Variants in CSMD3 observed in about 807,000 individuals in gnomAD.
CSMD3 encodes the protein CUB and Sushi multiple domains 3.
A neutral mutation model predicts 435.2 loss-of-function variants in CSMD3; 177 were observed. The observed-to-expected ratio is 0.41, with a 90% CI of 0.36 to 0.46. The LOEUF is 0.46. Among genes scored for constraint, CSMD3 ranks in the 20% least tolerant of loss-of-function variants. The probability of loss-of-function intolerance (pLI) is 0.34; values close to 1 mark genes in which losing one functional copy is unlikely to be tolerated. For synonymous variants in CSMD3, 1,656 were observed against 1,520.5 expected (o/e 1.09, Z -2.07); for missense variants, 4,265 against 4,504.6 (o/e 0.95, Z 1.52).
At chr8:113,221,787 T>G (rs1000048905) in intron 3 of CSMD3, among the ~76,000 whole-genome samples, 1 of 151,470 alleles carries the variant, frequency 6.6e-6, no homozygotes, top group Admixed American at 6.6e-5. Context: ...TCTTCCAAAA[T>G]GGCACTCACC....
Position 112,390,717 on chromosome 8 carries a change from T to C in CSMD3, c.5881A>G (p.Asn1961Asp), listed in dbSNP as rs375988803. 563 of 1,613,100 alleles carry C rather than the reference T, an allele frequency of 3.5e-4. 5 individuals carry two copies. The South Asian group carries it at 5.7e-3, about 16-fold the overall frequency. The change falls in exon 36 of 71, where the codon AAC (asparagine) becomes GAC (aspartate). Residue 1961 changes from asparagine to aspartate, a missense_variant. By Grantham distance (23) the Asn-to-Asp change is conservative. Coordinates refer to ENST00000297405, the MANE Select transcript of CSMD3 (RefSeq NM_198123.2). ...LSPGYPEPYDNNLNCVWKITV... is the reference protein window; with the variant it reads ...LSPGYPEPYDDNLNCVWKITV... Reference sequence around the variant, plus strand: ...ATCTTCCACACACAATTCAGATTGTTGTCATAAGGCTCAGGGTATCCAGGT... The same window carrying C: ...ATCTTCCACACACAATTCAGATTGTCGTCATAAGGCTCAGGGTATCCAGGT...
intron 54 of CSMD3, 26 bp downstream of exon 54, chr8:112,295,806 CT>C (rs1444454563): frequency 6.2e-7 from 1 of 1,607,486 alleles, no homozygotes; most frequent in Middle Eastern, 1.7e-4. Flanking sequence ...TCAGAGGTCT[CT>C]AATTGCTTTT....
chr8:113,370,853 A>G (rs899073148), intron 1 of CSMD3, among the ~76,000 whole-genome samples: 13 of 152,014 alleles, frequency 8.6e-5, no homozygotes, highest in African/African-American at 2.9e-4. Context: ...GCAGCTCTGA[A>G]GAGTTTGGTT....
intron 4 of CSMD3, among the ~76,000 whole-genome samples, chr8:113,148,566 T>C (rs2091732081): frequency 6.6e-6 from 1 of 151,720 alleles, no homozygotes; most frequent in South Asian, 2.1e-4. Flanking sequence ...CAGAGCCTAG[T>C]ACAGAAAAAG....
intron 38 of CSMD3, among the ~76,000 whole-genome samples, chr8:112,359,676 T>G (rs1826993726): frequency 6.6e-6 from 1 of 152,106 alleles, no homozygotes; most frequent in Non-Finnish European, 1.5e-5. Context: ...GAGTTATGAT[T>G]AGATTAGAAA....
At chr8:112,283,823 A>G (rs1191591970) in intron 58 of CSMD3, among the ~76,000 whole-genome samples, 1 of 151,788 alleles carries the variant, frequency 6.6e-6, no homozygotes, top group Non-Finnish European at 1.5e-5. Flanking sequence ...TAATTTCTGG[A>G]TCATATTTTA....
intron 27 of CSMD3, among the ~76,000 whole-genome samples, chr8:112,530,128 A>G (rs548688975): frequency 1.3e-5 from 2 of 152,300 alleles, no homozygotes; most frequent in Non-Finnish European, 1.5e-5. Context: ...CAAAAAGAAC[A>G]AAATAATGAA....
intron 3 of CSMD3, among the ~76,000 whole-genome samples, chr8:113,192,213 T>C (rs549895975): frequency 5.3e-5 from 8 of 151,934 alleles, no homozygotes; most frequent in Admixed American, 2.0e-4. Flanking sequence ...CTAATGTTGA[T>C]GTTTTGAAAA....
Position 112,319,924 on chromosome 8 carries a change from G to A in CSMD3, c.7223C>T (p.Thr2408Met), listed in dbSNP as rs370458785. Residue 2408 changes from threonine to methionine, a missense_variant, in exon 46 of 71, where the codon ACG (threonine) becomes ATG (methionine). Around this residue, in one of 3 missense-constraint regions of CSMD3, gnomAD observed 3,255 missense variants for 3,380.2 expected, o/e 0.96. Coordinates refer to ENST00000297405, the MANE Select transcript of CSMD3 (RefSeq NM_198123.2). ...ACCTATTTCAAATTCATCATCTTCCGTCAAAATTTCAGCATTGGGCACAGG... is the reference window on the plus strand; with the variant it reads ...ACCTATTTCAAATTCATCATCTTCCATCAAAATTTCAGCATTGGGCACAGG... Reference protein sequence around the residue: ...PPPVPNAEILTEDDEFEIGDI... With the variant: ...PPPVPNAEILMEDDEFEIGDI... The A allele has an allele frequency of 2.7e-5, 44 of 1,611,686 alleles. No homozygotes were observed. Among genetic ancestry groups the A allele is most frequent in the African/African-American group, 1.6e-4 (12 of 74,908 alleles).
intron 27 of CSMD3, among the ~76,000 whole-genome samples, chr8:112,529,106 A>G (rs550215427): frequency 3.3e-5 from 5 of 152,166 alleles, no homozygotes; most frequent in Non-Finnish European, 5.9e-5. Flanking sequence ...ATCAGCTCTC[A>G]GCTTCTCTCT....
intron 4 of CSMD3, among the ~76,000 whole-genome samples, chr8:113,158,946 GT>G (rs904231925): frequency 6.6e-5 from 10 of 151,842 alleles, no homozygotes; most frequent in African/African-American, 4.8e-5. Flanking sequence ...ACCTAGAAGG[GT>G]TTTCTAAACA....
intron 13 of CSMD3, among the ~76,000 whole-genome samples, chr8:112,777,538 T>C (rs1257794768): frequency 6.6e-6 from 1 of 151,852 alleles, no homozygotes; most frequent in Non-Finnish European, 1.5e-5. Context: ...TATACAAAGA[T>C]AATTCAATTT....
intron 3 of CSMD3, among the ~76,000 whole-genome samples, chr8:113,200,983 A>G (rs2092710752): frequency 6.6e-6 from 1 of 151,848 alleles, no homozygotes. Context: ...GTTGAAGTAG[A>G]AAACTCACCA....
At chr8:112,943,331 T>C (rs759733654) in intron 9 of CSMD3, among the ~76,000 whole-genome samples, 40 of 149,128 alleles carry the variant, frequency 2.7e-4, no homozygotes, top group Non-Finnish European at 4.6e-4. Flanking sequence ...TTAATTTTAA[T>C]GAAGTATGAC....
intron 22 of CSMD3, among the ~76,000 whole-genome samples, chr8:112,610,887 T>C (rs1206004706): frequency 6.6e-6 from 1 of 152,180 alleles, no homozygotes; most frequent in Non-Finnish European, 1.5e-5. Flanking sequence ...TAAATATCAC[T>C]ATTTCAATTC....
chr8:113,276,386 A>G (rs151231184), intron 3 of CSMD3, among the ~76,000 whole-genome samples: 148 of 152,184 alleles, frequency 9.7e-4, no homozygotes, highest in African/African-American at 3.4e-3. Context: ...CAGAGGGGAA[A>G]TCAAAGATTC....
At chr8:112,660,504 C>T (rs1027342267) in intron 17 of CSMD3, among the ~76,000 whole-genome samples, 2 of 152,112 alleles carry the variant, frequency 1.3e-5, no homozygotes, top group African/African-American at 4.8e-5. Context: ...CAGCCCTCAA[C>T]CAATACCTCA....
intron 23 of CSMD3, among the ~76,000 whole-genome samples, chr8:112,582,288 G>A (rs116706999): frequency 6.6e-6 from 1 of 152,070 alleles, no homozygotes; most frequent in African/African-American, 2.4e-5. Context: ...GCTTCCTGAG[G>A]TCCTCACCAG....
At chr8:112,709,675 C>A (rs969362267) in intron 13 of CSMD3, among the ~76,000 whole-genome samples, 1 of 151,952 alleles carries the variant, frequency 6.6e-6, no homozygotes, top group East Asian at 1.9e-4. Flanking sequence ...TTTTCCTGTT[C>A]TAGTATCTAT....
Sources: gnomAD v4.1 joint callset for allele counts (sites outside exome capture counted in the v4.1 genomes callset) on GRCh38, gnomAD v4.1.1 for gene constraint, gnomAD v4.1.1 regional missense constraint, MANE v1.5 for transcripts, NCBI Gene and HGNC (gene_info 2026-07-23, HGNC 2026-07-21) for gene names.